TMEM120B: variants seen among roughly 807,000 people sequenced by gnomAD.
The protein encoded by TMEM120B is transmembrane protein 120B.
In TMEM120B, 31 loss-of-function variants were observed where a neutral mutation model predicts 55.5. That is an observed-to-expected ratio of 0.56 (90% CI 0.42 to 0.75). The LOEUF (loss-of-function observed/expected upper bound fraction) is 0.75, where lower values mean the gene tolerates loss of function less well. TMEM120B is among the 30% of genes least tolerant of loss of function. TMEM120B has a pLI of 0.00. For missense variants in TMEM120B, 399 were observed against 425.5 expected, an observed-to-expected ratio of 0.94 and a Z score of 0.55; for synonymous variants, 203 against 176.3, an observed-to-expected ratio of 1.15 and a Z score of -1.20.
intron 1 of TMEM120B, among the ~76,000 whole-genome samples, chr12:121,732,526 T>C (rs1895020286): frequency 6.6e-6 from 1 of 152,130 alleles, no homozygotes; most frequent in Non-Finnish European, 1.5e-5. Context: ...ACCATTCTTA[T>C]CCAGTCACCA....
Position 121,775,320 on chromosome 12 carries a change from TG to T in TMEM120B, c.906+194del. 2.9e-6 allele frequency: 2 copies of T among 693,286 alleles called. No homozygotes were observed. Among genetic ancestry groups the T allele is most frequent in the Non-Finnish European group, 3.5e-6 (2 of 571,550 alleles). 42.9% of individuals were successfully genotyped at this position (693,286 alleles called of 1,614,324 possible). On this transcript the variant is annotated intron_variant, in intron 11 of 11. Transcript: ENST00000449592. This position sits in a 1 kb window ranked among gnomAD's most constrained non-coding sequence, Gnocchi z 4.3. ...CTGGGGCGGGCTGGGCTGGCAGGTGTGGGGTGTTGTGGGGGGCCTGCTTGGC... is the reference window on the plus strand; with the variant it reads ...CTGGGGCGGGCTGGGCTGGCAGGTGTGGGTGTTGTGGGGGGCCTGCTTGGC...
chr12:121,712,784 A>C lies in TMEM120B; in HGVS notation c.-112A>C, dbSNP rs1164680301. On this transcript the variant is annotated 5_prime_UTR_variant, in exon 1 of 12. Coordinates refer to ENST00000449592, the MANE Select transcript of TMEM120B (RefSeq NM_001080825.2). Reference sequence around the variant, plus strand: ...CGCGTGGCTCTGGCTGCGCAGGAACAGCTGGTGCCTCCGAGGGCGGTCGGC... The same window carrying C: ...CGCGTGGCTCTGGCTGCGCAGGAACCGCTGGTGCCTCCGAGGGCGGTCGGC... 4 of 687,584 alleles carry C rather than the reference A, an allele frequency of 5.8e-6. No individual in the cohort carries two copies. The highest frequency in any genetic ancestry group is 1.3e-4 in the South Asian group (2 of 15,524). 42.6% of individuals were successfully genotyped at this position (687,584 alleles called of 1,614,324 possible). A position where few individuals can be genotyped will look rare whatever the true frequency, so the allele number is the denominator to read the frequency against.
At chr12:121,715,454 C>G (rs1431358508) in intron 1 of TMEM120B, among the ~76,000 whole-genome samples, 1 of 152,236 alleles carries the variant, frequency 6.6e-6, no homozygotes, top group Non-Finnish European at 1.5e-5. Flanking sequence ...TTGACTCTTT[C>G]TTAGGACTTG....
intron 5 of TMEM120B, chr12:121,758,480 CAT>C (rs1873552834): frequency 1.0e-6 from 1 of 976,940 alleles, no homozygotes; most frequent in Non-Finnish European, 1.2e-6. Flanking sequence ...CTGTGGCCAC[CAT>C]GGAGGAGGAC....
At chr12:121,766,093 G>A (rs942401870) in intron 6 of TMEM120B, among the ~76,000 whole-genome samples, 1 of 152,076 alleles carries the variant, frequency 6.6e-6, no homozygotes, top group Admixed American at 6.6e-5. Context: ...TGAACCCTAC[G>A]GGCCTCCTGG....
At chr12:121,743,017 G>C (rs1399691576) in intron 1 of TMEM120B, among the ~76,000 whole-genome samples, 1 of 152,194 alleles carries the variant, frequency 6.6e-6, no homozygotes, top group Admixed American at 6.6e-5. Context: ...TGGTGGCAAA[G>C]TCAAGAAGTT....
intron 1 of TMEM120B, among the ~76,000 whole-genome samples, chr12:121,722,506 C>T (rs143494215): frequency 5.2e-4 from 79 of 152,184 alleles, no homozygotes; most frequent in Non-Finnish European, 9.0e-4. Context: ...CCTGAACGTC[C>T]GTGGGAATGG....
intron 6 of TMEM120B, among the ~76,000 whole-genome samples, chr12:121,762,339 G>A (rs1290547906): frequency 2.0e-5 from 3 of 151,516 alleles, no homozygotes; most frequent in Non-Finnish European, 2.9e-5. Context: ...AGTGCTCTCC[G>A]TCTCTCACTT....
chr12:121,752,057 C>T, intron 4 of TMEM120B, 71 bp from the exon 5 acceptor site: 2 of 1,303,588 alleles, frequency 1.5e-6, no homozygotes, highest in African/African-American at 1.4e-5. Context: ...TCTGATGGGG[C>T]TGAGGGCCAT....
At chr12:121,761,238 C>T (rs901851691) in intron 5 of TMEM120B, among the ~76,000 whole-genome samples, 1 of 152,190 alleles carries the variant, frequency 6.6e-6, no homozygotes, top group Non-Finnish European at 1.5e-5. Context: ...CTCAGCCTCC[C>T]CAAGTGCTGG....
chr12:121,744,465 G>A (rs957891549), intron 2 of TMEM120B, among the ~76,000 whole-genome samples: 13 of 152,354 alleles, frequency 8.5e-5, no homozygotes, highest in African/African-American at 2.9e-4. Flanking sequence ...TGCCGGACAA[G>A]TAAGCAGGCA....
At chr12:121,738,257 C>CA (rs145939294) in intron 1 of TMEM120B, among the ~76,000 whole-genome samples, 120 of 144,836 alleles carry the variant, frequency 8.3e-4, no homozygotes, top group African/African-American at 2.3e-3. Flanking sequence ...GACTCCATCT[C>CA]AAAAAAAAAA....
At position 121,779,835 on chromosome 12, in the gene TMEM120B, C is replaced by T; in HGVS notation, c.*4113C>T. 1.5e-6 allele frequency: 1 copy of T among 678,514 alleles called. No homozygotes were observed. The highest frequency in any genetic ancestry group is 2.5e-6 in the Non-Finnish European group (1 of 407,978). The allele number at this position is 678,514 out of a possible 1,614,324, so 42.0% of individuals were successfully genotyped here. ...CACAGTGTGTGGGTGGAATGGAGGG[C>T]CAGGGCAGTGCAGCCCGCAGGTTGG... is the stretch of plus-strand genomic sequence containing the variant. On this transcript the variant is annotated 3_prime_UTR_variant, in exon 12 of 12. Coordinates refer to ENST00000449592, the MANE Select transcript of TMEM120B (RefSeq NM_001080825.2).
At position 121,781,234 on chromosome 12, in the gene TMEM120B, C is replaced by T. The variant is rs1566531591; in HGVS notation, c.*5512C>T. The T allele has an allele frequency of 6.4e-7, 1 of 1,567,888 alleles. No homozygotes were observed. The highest frequency in any genetic ancestry group is 8.8e-7 in the Non-Finnish European group (1 of 1,139,938). ...GCGGGGGTCAGGGGACGTCCCCTCCCTGTCTGGACTCTGACGGGTGAAGGG... is the reference window on the plus strand; with the variant it reads ...GCGGGGGTCAGGGGACGTCCCCTCCTTGTCTGGACTCTGACGGGTGAAGGG... On this transcript the variant is annotated 3_prime_UTR_variant, in exon 12 of 12. Transcript: ENST00000449592.
At position 121,773,444 on chromosome 12, in the gene TMEM120B, T is replaced by C; in HGVS notation, c.703T>C (p.Tyr235His). The change falls in exon 9 of 12, where the codon TAT (tyrosine) becomes CAT (histidine). Residue 235 changes from tyrosine (Y) to histidine (H), a missense_variant. Tyr to His is a moderately conservative substitution (Grantham distance 83, BLOSUM62 2). Around this residue, in one of 3 missense-constraint regions of TMEM120B, gnomAD observed 260 missense variants for 303.9 expected, o/e 0.86. Transcript: ENST00000449592. ...FQSCVQFLQYYYQRGCLYRLR... is the reference protein window; with the variant it reads ...FQSCVQFLQYHYQRGCLYRLR... ...AGGCTGCGTCCAGTTCCTGCAATAT[T>C]ATTACCAGAGGGGCTGCCTCTACCG... The C allele has an allele frequency of 1.9e-6, 3 of 1,610,766 alleles. No homozygotes were observed. The highest frequency in any genetic ancestry group is 1.7e-6 in the Non-Finnish European group (2 of 1,178,374).
At chr12:121,748,994 T>C (rs544438108) in intron 3 of TMEM120B, among the ~76,000 whole-genome samples, 1 of 152,324 alleles carries the variant, frequency 6.6e-6, no homozygotes, top group East Asian at 1.9e-4. Context: ...CACCTTGTTC[T>C]GGAGAGAGAG....
intron 5 of TMEM120B, among the ~76,000 whole-genome samples, chr12:121,757,428 G>A (rs545709422): frequency 1.3e-5 from 2 of 152,084 alleles, no homozygotes; most frequent in East Asian, 1.9e-4. Context: ...TGCAAGCTCC[G>A]CCTCCCGGGT....
chr12:121,728,786 C>T (rs1006316572), intron 1 of TMEM120B, among the ~76,000 whole-genome samples: 1 of 152,200 alleles, frequency 6.6e-6, no homozygotes, highest in East Asian at 1.9e-4. Flanking sequence ...TTTCATCTAC[C>T]TCTCTGCCCT....
At chr12:121,740,612 C>T (rs1872906746) in intron 1 of TMEM120B, among the ~76,000 whole-genome samples, 1 of 151,694 alleles carries the variant, frequency 6.6e-6, no homozygotes, top group African/African-American at 2.4e-5. Flanking sequence ...TTTGTGTCTT[C>T]ACATTGAGGA....
Sources: gnomAD v4.1 joint callset for allele counts (sites outside exome capture counted in the v4.1 genomes callset) on GRCh38, gnomAD v4.1.1 for gene constraint, gnomAD v4.1.1 regional missense constraint, Gnocchi (gnomAD v3.1) non-coding constraint, MANE v1.5 for transcripts, NCBI Gene and HGNC (gene_info 2026-07-23, HGNC 2026-07-21) for gene names.